TMC7: variants seen among roughly 807,000 people sequenced by gnomAD.
The protein encoded by TMC7 is transmembrane channel like 7, also known as transmembrane channel-like protein 7.
Under a neutral mutation model 82.9 loss-of-function variants are expected in TMC7, and 54 were observed. The observed-to-expected ratio is 0.65, with a 90% CI of 0.52 to 0.82. The LOEUF (loss-of-function observed/expected upper bound fraction) is 0.82. TMC7 is among the 40% of genes least tolerant of loss of function. TMC7 has a pLI of 0.00. For missense variants in TMC7, 820 were observed against 901.2 expected (o/e 0.91, Z 1.15); for synonymous variants, 350 against 337.9 (o/e 1.04, Z -0.39).
Position 19,005,765 on chromosome 16 carries a change from T to C in TMC7, c.68-3407T>C, listed in dbSNP as rs571123071. Among the ~76,000 whole-genome samples the C allele has an allele frequency of 8.6e-4, 131 of 152,238 alleles. 2 individuals carry two copies. Among genetic ancestry groups the C allele is most frequent in the Admixed American group, 8.4e-3 (129 of 15,282 alleles). The stretch of plus-strand genomic sequence containing the variant: ...AGCCTCCATGCAGGGCTTAGACCCT[T>C]TTCCTTTTCAGGGACCACACCCACC... On this transcript the variant is annotated intron_variant, in intron 1 of 15. Coordinates refer to ENST00000304381, the MANE Select transcript of TMC7 (RefSeq NM_024847.4).
intron 2 of TMC7, among the ~76,000 whole-genome samples, chr16:19,015,953 T>G (rs1428449483): frequency 6.6e-6 from 1 of 152,106 alleles, no homozygotes; most frequent in Non-Finnish European, 1.5e-5. Context: ...TGGCACATGG[T>G]TATTCTGTTT....
At chr16:19,012,060 G>A (rs1959383017) in intron 2 of TMC7, 1 of 151,340 alleles carries the variant, frequency 6.6e-6, no homozygotes, top group Non-Finnish European at 1.5e-5. Flanking sequence ...AGCCCAGGAG[G>A]TTGAGGCTGC....
At chr16:19,022,628 C>T (rs1195079882) in intron 4 of TMC7, among the ~76,000 whole-genome samples, 1 of 152,200 alleles carries the variant, frequency 6.6e-6, no homozygotes, top group Non-Finnish European at 1.5e-5. Flanking sequence ...AAGTCCACTC[C>T]GTGATGTTCG....
In TMC7 at chr16:19,056,551, C is replaced by A. The variant is rs777231329; in HGVS notation, c.1881C>A (p.Ser627=). The A allele has an allele frequency of 6.2e-7, 1 of 1,613,554 alleles. No individual in the cohort carries two copies. The highest frequency in any genetic ancestry group is 2.2e-5 in the East Asian group (1 of 44,892). The change falls in exon 14 of 16, where the codon TCC becomes TCA. Residue 627 remains serine (S), a synonymous_variant. Coordinates refer to ENST00000304381, the MANE Select transcript of TMC7 (RefSeq NM_024847.4). ...PLTISISRIP[S]SKACGPFTNF... ...GTCTGTGTCCTGGCAGCATCCCTTC[C>A]TCGAAAGCCTGTGGGCCGTTCACCA... is the stretch of plus-strand genomic sequence containing the variant.
chr16:19,047,154 T>A lies in TMC7; in HGVS notation c.1645T>A (p.Tyr549Asn). ...TCCTGATAACGTCCTGGGGATAGTT[T>A]ACGGGCAAACCATCTGCTGGATCGG... ...AIPDNVLGIV[Y>N]GQTICWIGAF... The change falls in exon 12 of 16, where the codon TAC (tyrosine) becomes AAC (asparagine). Residue 549 changes from tyrosine to asparagine, a missense_variant. Coordinates refer to ENST00000304381, the MANE Select transcript of TMC7 (RefSeq NM_024847.4). 2 of 1,614,094 alleles carry A rather than the reference T, an allele frequency of 1.2e-6. No homozygotes were observed. The highest frequency in any genetic ancestry group is 1.7e-6 in the Non-Finnish European group (2 of 1,180,030).
At chr16:18,999,925 T>G (rs771081598) in intron 1 of TMC7, among the ~76,000 whole-genome samples, 25 of 151,794 alleles carry the variant, frequency 1.6e-4, no homozygotes, top group African/African-American at 5.3e-4. Context: ...CACCACGCCC[T>G]GCTAATTATT....
chr16:19,059,413 C>T lies in TMC7; in HGVS notation c.2028-3C>T. On this transcript the variant is annotated splice_polypyrimidine_tract_variant and splice_region_variant and intron_variant, in intron 14 of 15. Coordinates refer to ENST00000304381, the MANE Select transcript of TMC7 (RefSeq NM_024847.4). The stretch of plus-strand genomic sequence containing the variant: ...CTTGTGACCTGTCTGTCTTGTGTTG[C>T]AGCCTCATCATGTTTTACTTCATTG... The T allele has an allele frequency of 6.2e-7, 1 of 1,613,046 alleles. No individual in the cohort carries two copies. Among genetic ancestry groups the T allele is most frequent in the South Asian group, 1.1e-5 (1 of 91,022 alleles).
chr16:19,050,366 C>CAAAA (rs71143824), intron 12 of TMC7, among the ~76,000 whole-genome samples: 4 of 83,046 alleles, frequency 4.8e-5, no homozygotes, highest in Admixed American at 1.7e-4. Context: ...GATTCCGTCT[C>CAAAA]AAAAAAAAAA....
intron 15 of TMC7, among the ~76,000 whole-genome samples, chr16:19,060,809 CAG>C (rs1225527661): frequency 2.8e-5 from 4 of 141,454 alleles, no homozygotes; most frequent in Non-Finnish European, 6.1e-5. Flanking sequence ...TTTTTTGAGA[CAG>C]AGTCTTGCTC....
chr16:19,059,174 G>A lies in TMC7; in HGVS notation c.2028-242G>A, dbSNP rs534153693. On this transcript the variant is annotated intron_variant, in intron 14 of 15. Coordinates refer to ENST00000304381, the MANE Select transcript of TMC7 (RefSeq NM_024847.4). ...ATTACAGGTGTGAGCCACTGCGCCC[G>A]GCCATATTTTATTTTTCTAGAGGTG... is the stretch of plus-strand genomic sequence containing the variant. Among the ~76,000 whole-genome samples, 140 of 152,120 alleles carry A rather than the reference G, an allele frequency of 9.2e-4. 1 individual carries two copies. Among genetic ancestry groups the A allele is most frequent in the Non-Finnish European group, 1.3e-3 (89 of 67,974 alleles).
intron 1 of TMC7, among the ~76,000 whole-genome samples, chr16:18,986,363 C>T (rs2038848650): frequency 6.7e-6 from 1 of 148,906 alleles, no homozygotes; most frequent in Non-Finnish European, 1.5e-5. Context: ...CCACTGCACT[C>T]CAGCCTGGGT....
intron 3 of TMC7, among the ~76,000 whole-genome samples, chr16:19,018,858 T>C (rs557866764): frequency 6.6e-6 from 1 of 152,296 alleles, no homozygotes; most frequent in African/African-American, 2.4e-5. Context: ...TCTATTTTAT[T>C]TTATTTTTTG....
chr16:19,038,555 C>T lies in TMC7; in HGVS notation c.1179+508C>T, dbSNP rs757763892. ...TTGTTGAGACAGAGTCTCACTCTGTCGCTCAGGCTGAAGTGTGGTGGTGTG... is the reference window on the plus strand; with the variant it reads ...TTGTTGAGACAGAGTCTCACTCTGTTGCTCAGGCTGAAGTGTGGTGGTGTG... On this transcript the variant is annotated intron_variant, in intron 8 of 15. Transcript: ENST00000304381. Among the ~76,000 whole-genome samples the T allele has an allele frequency of 2.0e-5, 3 of 151,166 alleles. No homozygotes were observed. The Admixed American group carries it at 2.0e-4, about 10-fold the overall frequency.
intron 1 of TMC7, among the ~76,000 whole-genome samples, chr16:19,001,632 A>G (rs1273591292): frequency 6.6e-6 from 1 of 152,138 alleles, no homozygotes; most frequent in African/African-American, 2.4e-5. Context: ...GCAGTGAGCT[A>G]TGATGGTACC....
rs965017752 is a variant in TMC7 at position 18,984,135 on chromosome 16, G to A, written c.67+5G>A. ...GGCAGCCGGCGGTCCATCCAGGTAGGGCGGCAGGGAGCGCGCGCGGGGACG... is the reference window on the plus strand; with the variant it reads ...GGCAGCCGGCGGTCCATCCAGGTAGAGCGGCAGGGAGCGCGCGCGGGGACG... On this transcript the variant is annotated splice_donor_5th_base_variant and intron_variant, in intron 1 of 15. Transcript: ENST00000304381. The A allele has an allele frequency of 2.0e-6, 3 of 1,495,198 alleles. No homozygotes were observed. The South Asian group carries it at 3.8e-5, about 19-fold the overall frequency. 92.6% of individuals were successfully genotyped at this position (1,495,198 alleles called of 1,614,324 possible). A position where few individuals can be genotyped will look rare whatever the true frequency, so the allele number is the denominator to read the frequency against.
chr16:19,051,478 C>T (rs978652782), intron 12 of TMC7, among the ~76,000 whole-genome samples: 2 of 150,816 alleles, frequency 1.3e-5, no homozygotes, highest in African/African-American at 4.9e-5. Context: ...GTTCAATTCC[C>T]ACCTATGAGT....
intron 12 of TMC7, among the ~76,000 whole-genome samples, chr16:19,049,938 T>G (rs1287350616): frequency 1.3e-5 from 2 of 152,116 alleles, no homozygotes; most frequent in African/African-American, 2.4e-5. Context: ...CTTCCCTCAA[T>G]GGAAATACTT....
chr16:19,029,555 G>A (rs576855761), intron 5 of TMC7, among the ~76,000 whole-genome samples: 1 of 151,762 alleles, frequency 6.6e-6, no homozygotes, highest in African/African-American at 2.4e-5. Flanking sequence ...AAAAAAATTT[G>A]TAGAGATAGG....
chr16:19,035,584 T>C (rs1334294581), intron 6 of TMC7, 92 bp from the exon 7 acceptor site: 2 of 1,499,264 alleles, frequency 1.3e-6, no homozygotes, highest in African/African-American at 2.7e-5. Context: ...AATGCAGCTA[T>C]GTCTAACTTT....
Sources: allele counts gnomAD v4.1 joint callset (sites outside exome capture counted in the v4.1 genomes callset), GRCh38; gene constraint gnomAD v4.1.1; transcripts MANE v1.5; gene names NCBI Gene and HGNC (gene_info 2026-07-23, HGNC 2026-07-21).